Variants in VPS53 observed in about 807,000 individuals in gnomAD.
VPS53 encodes vacuolar protein sorting-associated protein 53 homolog.
Under a neutral mutation model 107.0 loss-of-function variants are expected in VPS53, and 70 were observed. The observed-to-expected ratio is 0.65, with a 90% confidence interval of 0.54 to 0.80. The LOEUF is 0.80. VPS53 is among the 30% of genes least tolerant of loss of function. The pLI, the probability that VPS53 is intolerant of heterozygous loss-of-function variation, is 0.00. For synonymous variants in VPS53, 409 were observed against 393.3 expected, an observed-to-expected ratio of 1.04 and a Z score of -0.47; for missense variants, 917 against 1,049.4, an observed-to-expected ratio of 0.87 and a Z score of 1.74.
At chr17:704,613 T>G (rs1025290049) in intron 2 of VPS53, among the ~76,000 whole-genome samples, 21 of 152,326 alleles carry the variant, frequency 1.4e-4, no homozygotes, top group African/African-American at 4.8e-4. Flanking sequence ...AGTGAAACTC[T>G]GAGACTAGAG....
At chr17:612,108 A>G (rs940060730) in intron 11 of VPS53, among the ~76,000 whole-genome samples, 2 of 152,162 alleles carry the variant, frequency 1.3e-5, no homozygotes, top group Non-Finnish European at 2.9e-5. Flanking sequence ...GAAAACCTGT[A>G]CAGATACTCA....
At chr17:697,724 T>C (rs1597500837) in intron 3 of VPS53, among the ~76,000 whole-genome samples, 1 of 152,208 alleles carries the variant, frequency 6.6e-6, no homozygotes, top group African/African-American at 2.4e-5. Context: ...TTTCACTTAA[T>C]AGTCAGAGCT....
intron 13 of VPS53, among the ~76,000 whole-genome samples, chr17:577,443 C>T (rs1451173217): frequency 1.3e-5 from 2 of 150,724 alleles, no homozygotes; most frequent in Admixed American, 1.3e-4. Context: ...TCCCAGAGAA[C>T]CCCCAACAGA....
intron 19 of VPS53, chr17:523,257 G>T (rs1191645372): frequency 1.3e-5 from 2 of 152,444 alleles, no homozygotes; most frequent in African/African-American, 4.8e-5. Context: ...TGTTGAGATG[G>T]CTTAGGAGAA....
intron 1 of VPS53, among the ~76,000 whole-genome samples, chr17:712,897 G>C (rs1973695378): frequency 6.6e-6 from 1 of 152,140 alleles, no homozygotes; most frequent in Admixed American, 6.5e-5. Context: ...CTAGTCCAAA[G>C]AGCAACAGAA....
intron 4 of VPS53, among the ~76,000 whole-genome samples, chr17:662,546 A>G (rs1039082267): frequency 3.3e-5 from 5 of 151,946 alleles, no homozygotes; most frequent in East Asian, 1.9e-4. Flanking sequence ...AAAACTAGCC[A>G]GGCACAGTGG....
intron 17 of VPS53, among the ~76,000 whole-genome samples, chr17:540,209 A>G (rs930878757): frequency 6.6e-6 from 1 of 151,802 alleles, no homozygotes; most frequent in Non-Finnish European, 1.5e-5. Context: ...TTTTTTTGAG[A>G]CAGAGTCTCT....
At chr17:620,069 G>C (rs1490894218) in intron 11 of VPS53, among the ~76,000 whole-genome samples, 2 of 152,172 alleles carry the variant, frequency 1.3e-5, no homozygotes, top group African/African-American at 4.8e-5. Context: ...TTACTAAAAA[G>C]AAATCAATAT....
chr17:566,017 A>T (rs1474986663), intron 13 of VPS53, among the ~76,000 whole-genome samples: 3 of 151,680 alleles, frequency 2.0e-5, no homozygotes, highest in Non-Finnish European at 4.4e-5. Flanking sequence ...TCCCGGCTAA[A>T]ACGGTGAAAC....
intron 10 of VPS53, 53 bp from the exon 11 acceptor site, chr17:623,727 T>TA: frequency 6.4e-7 from 1 of 1,555,610 alleles, no homozygotes; most frequent in Non-Finnish European, 8.7e-7. Flanking sequence ...ATTCATTCAG[T>TA]AGAGATAAGG....
intron 4 of VPS53, among the ~76,000 whole-genome samples, chr17:677,759 T>C (rs1267217808): frequency 6.6e-6 from 1 of 152,154 alleles, no homozygotes; most frequent in Non-Finnish European, 1.5e-5. Flanking sequence ...AAAAAGGTTA[T>C]ATTTACTAAA....
intron 7 of VPS53, among the ~76,000 whole-genome samples, chr17:648,682 A>G (rs368907277): frequency 2.6e-5 from 4 of 152,152 alleles, no homozygotes; most frequent in African/African-American, 9.6e-5. Context: ...GGAATGGAAC[A>G]GGCACTGAAG....
chr17:561,705 G>A (rs1007049439), intron 14 of VPS53, among the ~76,000 whole-genome samples: 14 of 152,092 alleles, frequency 9.2e-5, no homozygotes, highest in Non-Finnish European at 8.8e-5. Context: ...TCTCGGCTCA[G>A]CGCAACCTCC....
At chr17:669,730 A>AC (rs1971859594) in intron 4 of VPS53, among the ~76,000 whole-genome samples, 1 of 151,848 alleles carries the variant, frequency 6.6e-6, no homozygotes, top group Non-Finnish European at 1.5e-5. Context: ...CATCTCTACT[A>AC]AAAATACAAA....
intron 12 of VPS53, among the ~76,000 whole-genome samples, chr17:597,567 G>A (rs372407306): frequency 1.3e-5 from 2 of 152,236 alleles, no homozygotes; most frequent in East Asian, 3.9e-4. Flanking sequence ...TTTTGAGATG[G>A]AGTCTCACTC....
chr17:567,775 G>A (rs1889376732), intron 13 of VPS53, among the ~76,000 whole-genome samples: 2 of 151,952 alleles, frequency 1.3e-5, no homozygotes, highest in Admixed American at 6.6e-5. Flanking sequence ...TGTAGTTACA[G>A]TTACTTGGGA....
In VPS53 at chr17:586,368, T is replaced by TA. The variant is rs1967320264; in HGVS notation, c.1219-5dup. 1.4e-5 allele frequency: 22 copies of TA among 1,613,660 alleles called. No homozygotes were observed. The highest frequency in any genetic ancestry group is 1.9e-5 in the Non-Finnish European group (22 of 1,179,788). ...CTGGGGCTTTAGGCTTCTTTGGCTG[T>TA]AAAAACAAAGAAAAATAAACCCCAT... On this transcript the variant is annotated splice_region_variant and splice_polypyrimidine_tract_variant and intron_variant, in intron 12 of 21. Transcript: ENST00000437048.
rs1362743576 is a variant in VPS53 at position 524,861 on chromosome 17, G to A, written c.2086-3123C>T. ...ATTCAGACTAGTGGTGACAGTAGAA[G>A]TTAGTTCAAGCACGTTGGGGGAAAT... On this transcript the variant is annotated intron_variant, in intron 19 of 21. Coordinates refer to ENST00000437048, the MANE Select transcript of VPS53 (RefSeq NM_001128159.3). The surrounding 1 kb of genome is among the most constrained non-coding windows in gnomAD (Gnocchi z 4.5). 3.3e-5 allele frequency among the ~76,000 whole-genome samples: 5 copies of A among 152,224 alleles called. No individual in the cohort carries two copies. The East Asian group carries it at 7.7e-4, about 23-fold the overall frequency.
intron 1 of VPS53, among the ~76,000 whole-genome samples, chr17:713,015 G>A (rs1973699733): frequency 6.6e-6 from 1 of 152,100 alleles, no homozygotes; most frequent in South Asian, 2.1e-4. Context: ...GGACAAAGTT[G>A]GTTGTATAAG....
Sources: gnomAD v4.1 joint callset for allele counts (sites outside exome capture counted in the v4.1 genomes callset) on GRCh38, gnomAD v4.1.1 for gene constraint, Gnocchi (gnomAD v3.1) non-coding constraint, MANE v1.5 for transcripts, NCBI Gene and HGNC (gene_info 2026-07-23, HGNC 2026-07-21) for gene names.